Variants in PCDH11X observed in about 807,000 individuals in gnomAD.
PCDH11X encodes protocadherin-11 X-linked.
A neutral mutation model predicts 53.3 loss-of-function variants in PCDH11X; 18 were observed. That is an observed-to-expected ratio of 0.34 (90% CI 0.23 to 0.50). The LOEUF (loss-of-function observed/expected upper bound fraction) is 0.50. Among genes scored for constraint, PCDH11X ranks in the 20% least tolerant of loss-of-function variants. The pLI, the probability that PCDH11X is intolerant of heterozygous loss-of-function variation, is 0.98. For missense variants in PCDH11X, 570 were observed against 1,032.4 expected (o/e 0.55, Z 6.14); for synonymous variants, 279 against 393.3 (o/e 0.71, Z 3.44).
chrX:92,103,536 C>T (rs1032518681), intron 6 of PCDH11X, among the ~76,000 whole-genome samples: 2 of 111,646 alleles, frequency 1.8e-5, no homozygotes, highest in Admixed American at 1.9e-4. Context: ...AGGAGTCAGT[C>T]AGAGAGCCCT....
intron 7 of PCDH11X, among the ~76,000 whole-genome samples, chrX:92,208,068 G>A (rs2066508057): frequency 9.2e-6 from 1 of 108,172 alleles, no homozygotes; most frequent in Non-Finnish European, 1.9e-5. Context: ...GGTGGCAGGT[G>A]CCTGCAATCC....
At chrX:91,865,520 A>G (rs973684868) in intron 5 of PCDH11X, among the ~76,000 whole-genome samples, 1 of 110,318 alleles carries the variant, frequency 9.1e-6, no homozygotes, top group African/African-American at 3.3e-5. Context: ...ACCCTTGTTC[A>G]AGGACCTGTG....
chrX:92,129,385 C>T (rs941170091), intron 6 of PCDH11X, among the ~76,000 whole-genome samples: 4 of 111,469 alleles, frequency 3.6e-5, no homozygotes, highest in Admixed American at 9.6e-5. Flanking sequence ...AGCGAGACTC[C>T]GTCCCCCACC....
chrX:91,834,225 G>T (rs769080976), intron 4 of PCDH11X, among the ~76,000 whole-genome samples: 10 of 110,920 alleles, frequency 9.0e-5, no homozygotes, highest in Admixed American at 1.9e-4. Context: ...ATAAACTTGA[G>T]AATAAATAAA....
chrX:91,823,639 C>G (rs1376479617), intron 4 of PCDH11X, among the ~76,000 whole-genome samples: 4 of 111,533 alleles, frequency 3.6e-5, no homozygotes, highest in Non-Finnish European at 5.6e-5. Context: ...ATTTGCCAGT[C>G]TGTGTCTTTT....
At chrX:92,501,879 C>A (rs980754137) in intron 10 of PCDH11X, among the ~76,000 whole-genome samples, 5 of 110,572 alleles carry the variant, frequency 4.5e-5, no homozygotes, top group Non-Finnish European at 9.5e-5. Flanking sequence ...GGCAATCAGG[C>A]AAGAGAAAGA....
intron 6 of PCDH11X, among the ~76,000 whole-genome samples, chrX:91,946,783 G>A (rs1726275724): frequency 1.0e-5 from 1 of 96,258 alleles, no homozygotes; most frequent in African/African-American, 3.7e-5. Context: ...TATAATCACT[G>A]TGACTATTCA....
At chrX:92,559,655 T>C (rs1369819212) in intron 10 of PCDH11X, among the ~76,000 whole-genome samples, 2 of 111,129 alleles carry the variant, frequency 1.8e-5, no homozygotes, top group African/African-American at 3.3e-5. Flanking sequence ...GGGAGGAATA[T>C]TGCAGTGACT....
In PCDH11X at chrX:91,883,528, G is replaced by A. The variant is rs1467468176; in HGVS notation, c.3033+4255G>A. 3.6e-4 allele frequency: 270 copies of A among 747,619 alleles called. No homozygotes were observed. In the African/African-American group the frequency reaches 4.3e-3, roughly 12 times the overall value. 61.6% of individuals were successfully genotyped at this position (747,619 alleles called of 1,213,427 possible). The stretch of plus-strand genomic sequence containing the variant: ...ACTCTGCTTAAAAGTTGAGTGGGCC[G>A]GGCGCGGTGGCTCACGCCTGTAATC... On this transcript the variant is annotated intron_variant, in intron 6 of 10. Coordinates refer to ENST00000682573, the MANE Select transcript of PCDH11X (RefSeq NM_032968.5).
chrX:91,801,130 T>C, intron 1 of PCDH11X, among the ~76,000 whole-genome samples: 1 of 91,352 alleles, frequency 1.1e-5, no homozygotes, highest in Non-Finnish European at 2.1e-5. Context: ...CAGTGAACCA[T>C]GATCATGCCA....
At chrX:92,513,797 G>A (rs1416381044) in intron 10 of PCDH11X, among the ~76,000 whole-genome samples, 26 of 111,193 alleles carry the variant, frequency 2.3e-4, no homozygotes, top group Non-Finnish European at 4.3e-4. Context: ...TATTATAAAT[G>A]TACAATTCAA....
chrX:92,376,130 T>C (rs1290153370), intron 8 of PCDH11X, among the ~76,000 whole-genome samples: 3 of 111,815 alleles, frequency 2.7e-5, no homozygotes, highest in African/African-American at 9.8e-5. Flanking sequence ...TATCACAACA[T>C]ATTTTGCTGT....
chrX:92,006,272 C>A (rs2062598091), intron 6 of PCDH11X, among the ~76,000 whole-genome samples: 1 of 109,986 alleles, frequency 9.1e-6, no homozygotes, highest in African/African-American at 3.3e-5. Flanking sequence ...TTTCTTGATC[C>A]TATAGGTGTG....
chrX:92,320,989 C>T (rs4021170), intron 8 of PCDH11X, among the ~76,000 whole-genome samples: 43,910 of 104,458 alleles, frequency 0.42, 7,986 homozygotes, highest in East Asian at 0.72. Context: ...TTGGGACCTA[C>T]ACATGAAAGG....
At chrX:92,004,997 A>G (rs1321378658) in intron 6 of PCDH11X, among the ~76,000 whole-genome samples, 3 of 109,824 alleles carry the variant, frequency 2.7e-5, no homozygotes, top group Non-Finnish European at 5.7e-5. Flanking sequence ...GATGGTCTCG[A>G]TCTCCTGACC....
Position 92,328,939 on chromosome X carries a change from C to T in PCDH11X, c.3145-58796C>T, listed in dbSNP as rs776319486. Among the ~76,000 whole-genome samples the T allele has an allele frequency of 1.0e-3, 111 of 111,198 alleles. 1 individual carries two copies. The highest frequency in any genetic ancestry group is 3.5e-3 in the African/African-American group (106 of 30,705). ...CTATACCCCAACTCATTCCTTGAAA[C>T]TGGAATTACTCTGATACCAAAACCA... On this transcript the variant is annotated intron_variant, in intron 8 of 10. Transcript: ENST00000682573.
At chrX:92,225,427 A>AATAATAAAGG (rs2066952538) in intron 7 of PCDH11X, among the ~76,000 whole-genome samples, 1 of 111,526 alleles carries the variant, frequency 9.0e-6, no homozygotes, top group African/African-American at 3.2e-5. Context: ...AAAAGAAAAA[A>AATAATAAAGG]ATAATAAAGG....
intron 6 of PCDH11X, among the ~76,000 whole-genome samples, chrX:92,169,068 T>C (rs377565958): frequency 2.7e-5 from 3 of 109,107 alleles, no homozygotes; most frequent in East Asian, 2.9e-4. Flanking sequence ...AGATTATATA[T>C]ACAAATACTT....
At chrX:92,113,943 G>T (rs911073709) in intron 6 of PCDH11X, 92 of 1,204,180 alleles carry the variant, frequency 7.6e-5, no homozygotes, top group Admixed American at 4.4e-5. Flanking sequence ...TGATGTATTT[G>T]GGAGATAGGT....
Sources: allele counts gnomAD v4.1 joint callset (sites outside exome capture counted in the v4.1 genomes callset), GRCh38; gene constraint gnomAD v4.1.1; transcripts MANE v1.5; gene names NCBI Gene and HGNC (gene_info 2026-07-23, HGNC 2026-07-21).